CDADC1: variants seen among roughly 807,000 people sequenced by gnomAD.
The protein encoded by CDADC1 is dCTP deaminase.
CDADC1 carries 39 observed loss-of-function variants against 54.9 expected under a neutral mutation model. That is an observed-to-expected ratio of 0.71 (90% CI 0.55 to 0.93). The LOEUF (loss-of-function observed/expected upper bound fraction) is 0.93. CDADC1 is among the 40% of genes least tolerant of loss of function. CDADC1 has a pLI of 0.00. For missense variants in CDADC1, 518 were observed against 618.8 expected (o/e 0.84, Z 1.73); for synonymous variants, 186 against 204.0 (o/e 0.91, Z 0.75).
intron 9 of CDADC1, among the ~76,000 whole-genome samples, chr13:49,287,972 TA>T (rs779068056): frequency 0.047 from 5,955 of 127,010 alleles, 270 homozygotes; most frequent in African/African-American, 0.13. Flanking sequence ...GACCCTGCCT[TA>T]AAAAAAAAAA....
At chr13:49,268,464 C>G (rs1160670964) in intron 5 of CDADC1, among the ~76,000 whole-genome samples, 1 of 151,958 alleles carries the variant, frequency 6.6e-6, no homozygotes, top group Non-Finnish European at 1.5e-5. Context: ...AGTTCAAGAC[C>G]AGCGTGGGCA....
chr13:49,248,160 C>A, intron 1 of CDADC1, 41 bp downstream of exon 1: 1 of 1,492,194 alleles, frequency 6.7e-7, no homozygotes, highest in Non-Finnish European at 9.1e-7. Flanking sequence ...CTACCTTTCG[C>A]TCTGCCCTGT....
intron 4 of CDADC1, among the ~76,000 whole-genome samples, chr13:49,263,854 A>G (rs1013587546): frequency 3.9e-5 from 6 of 152,164 alleles, no homozygotes; most frequent in African/African-American, 1.4e-4. Flanking sequence ...ATTCCAACCA[A>G]TTTCAGTTCT....
chr13:49,285,247 C>T (rs531266028), intron 8 of CDADC1, among the ~76,000 whole-genome samples: 3 of 147,920 alleles, frequency 2.0e-5, no homozygotes, highest in South Asian at 2.1e-4. Flanking sequence ...GGTGCAATCT[C>T]GGCTCACTGC....
chr13:49,290,026 A>G (rs906975619), intron 9 of CDADC1, among the ~76,000 whole-genome samples: 1 of 152,178 alleles, frequency 6.6e-6, no homozygotes, highest in African/African-American at 2.4e-5. Flanking sequence ...AGCCTGGGTA[A>G]CAGACTGAGA....
chr13:49,249,830 T>C (rs760230893), intron 2 of CDADC1, among the ~76,000 whole-genome samples: 4 of 152,162 alleles, frequency 2.6e-5, no homozygotes, highest in Non-Finnish European at 5.9e-5. Flanking sequence ...TCTCCTACCC[T>C]TGGGGCAACA....
chr13:49,271,728 C>G (rs953731775), intron 5 of CDADC1, among the ~76,000 whole-genome samples: 1 of 151,886 alleles, frequency 6.6e-6, no homozygotes, highest in African/African-American at 2.4e-5. Flanking sequence ...CACCTGTGTT[C>G]TAGAACAAAA....
intron 7 of CDADC1, 121 bp from the exon 8 acceptor site, chr13:49,280,385 CATT>C: frequency 2.3e-6 from 1 of 435,758 alleles, no homozygotes; most frequent in Non-Finnish European, 4.0e-6. Flanking sequence ...GCTTGATGAT[CATT>C]ATTAATAATG....
intron 9 of CDADC1, among the ~76,000 whole-genome samples, chr13:49,287,061 C>T (rs1443663416): frequency 1.3e-5 from 2 of 152,180 alleles, no homozygotes; most frequent in African/African-American, 4.8e-5. Flanking sequence ...TATCATGGCA[C>T]ATGCCTGTAA....
At chr13:49,259,596 A>T (rs1477409830) in intron 4 of CDADC1, 73 bp downstream of exon 4, 4 of 1,426,332 alleles carry the variant, frequency 2.8e-6, no homozygotes, top group African/African-American at 1.4e-5. Context: ...TATGCCTGTC[A>T]TCCCAGCACT....
chr13:49,255,543 A>G (rs1593792144), intron 2 of CDADC1, among the ~76,000 whole-genome samples: 2 of 152,154 alleles, frequency 1.3e-5, no homozygotes, highest in Non-Finnish European at 2.9e-5. Flanking sequence ...GGACTTTTCC[A>G]TTACTCAAAA....
chr13:49,253,964 G>T (rs1044991556), intron 2 of CDADC1, among the ~76,000 whole-genome samples: 2 of 152,132 alleles, frequency 1.3e-5, no homozygotes, highest in East Asian at 1.9e-4. Flanking sequence ...GCTGGATCTG[G>T]CATATCCACT....
chr13:49,280,835 T>TATTA (rs201352692), intron 8 of CDADC1, 137 bp downstream of exon 8: 7 of 137,394 alleles, frequency 5.1e-5, no homozygotes, highest in Admixed American at 9.3e-5. Flanking sequence ...TTATTATTAT[T>TATTA]TTATTATTAT....
rs367652913 is a variant in CDADC1, at chr13:49,256,185, C to G, written c.252+272C>G. On this transcript the variant is annotated intron_variant, in intron 3 of 9. Transcript: ENST00000251108. ...ATAGATGTGTTAAGAAATACTCTCC[C>G]TTAGTTCTCTCACACTCCCACACAC... Among the ~76,000 whole-genome samples, 32 of 151,936 alleles carry G rather than the reference C, an allele frequency of 2.1e-4. No individual in the cohort carries two copies. The East Asian group carries it at 5.4e-3, about 26-fold the overall frequency.
chr13:49,285,094 G>A (rs1403022946), intron 8 of CDADC1, among the ~76,000 whole-genome samples: 1 of 152,084 alleles, frequency 6.6e-6, no homozygotes, highest in Non-Finnish European at 1.5e-5. Context: ...ATGATATGAT[G>A]CAGGTAATAG....
At chr13:49,284,296 G>C (rs1022486367) in intron 8 of CDADC1, among the ~76,000 whole-genome samples, 1 of 152,158 alleles carries the variant, frequency 6.6e-6, no homozygotes, top group Non-Finnish European at 1.5e-5. Flanking sequence ...AAAAAAGAAC[G>C]TGTATTATCT....
chr13:49,259,238 A>T, intron 3 of CDADC1, 108 bp from the exon 4 acceptor site: 1 of 802,196 alleles, frequency 1.2e-6, no homozygotes, highest in Non-Finnish European at 1.9e-6. Context: ...CTCTGTTTAG[A>T]TAAAGAATTA....
chr13:49,249,034 T>C, intron 2 of CDADC1, 69 bp downstream of exon 2: 1 of 972,276 alleles, frequency 1.0e-6, no homozygotes, highest in South Asian at 1.3e-5. Context: ...ATTGCTCCAG[T>C]TTCTGTCATA....
chr13:49,257,891 G>A (rs1234688164), intron 3 of CDADC1, among the ~76,000 whole-genome samples: 1 of 152,192 alleles, frequency 6.6e-6, no homozygotes, highest in East Asian at 1.9e-4. Context: ...CATTTGAGGA[G>A]CATAAAACTC....
Sources: gnomAD v4.1 joint callset for allele counts (sites outside exome capture counted in the v4.1 genomes callset) on GRCh38, gnomAD v4.1.1 for gene constraint, MANE v1.5 for transcripts, NCBI Gene and HGNC (gene_info 2026-07-23, HGNC 2026-07-21) for gene names.